Variants in AHDC1 observed in about 807,000 individuals in gnomAD.
AHDC1 encodes transcription factor Gibbin.
Under a neutral mutation model 87.9 loss-of-function variants are expected in AHDC1, and 7 were observed. That is an observed-to-expected ratio of 0.08 (90% CI 0.05 to 0.15). The LOEUF (loss-of-function observed/expected upper bound fraction) is 0.15, where lower values mean the gene tolerates loss of function less well. Ranked by LOEUF, AHDC1 falls within the 10% of genes least tolerant of loss-of-function variation. The probability of loss-of-function intolerance (pLI) is 1.00; values close to 1 mark genes in which losing one functional copy is unlikely to be tolerated. For synonymous variants in AHDC1, 1,051 were observed against 1,006.8 expected (o/e 1.04, Z -0.83); for missense variants, 1,841 against 2,253.2 (o/e 0.82, Z 3.70).
chr1:27,581,718 A>G (rs1189838881), intron 3 of AHDC1, among the ~76,000 whole-genome samples: 1 of 152,088 alleles, frequency 6.6e-6, no homozygotes, highest in Non-Finnish European at 1.5e-5. Context: ...TCCCATTCTC[A>G]TGACTCTGCG....
intron 5 of AHDC1, among the ~76,000 whole-genome samples, chr1:27,557,198 C>A (rs1292329367): frequency 6.6e-6 from 1 of 151,310 alleles, no homozygotes; most frequent in Non-Finnish European, 1.5e-5. Flanking sequence ...CCGAGGGTCA[C>A]CCTGCCGGCG....
intron 3 of AHDC1, among the ~76,000 whole-genome samples, chr1:27,577,802 G>A (rs1448161463): frequency 6.6e-6 from 1 of 152,196 alleles, no homozygotes; most frequent in Non-Finnish European, 1.5e-5. Flanking sequence ...AGACAAGACT[G>A]AGGTGACACT....
rs2089180545 is a variant in AHDC1 at position 27,590,049 on chromosome 1, C to T, written c.-629+13348G>A. ...TGTCCTGGGCCCCCTGCCCCACCCA[C>T]TGCTGAGGAGAGCCCTGCCCTGAGA... On this transcript the variant is annotated intron_variant, in intron 3 of 8. Coordinates refer to ENST00000673934, the MANE Select transcript of AHDC1 (RefSeq NM_001371928.1). The surrounding 1 kb of genome is among the most constrained non-coding windows in gnomAD (Gnocchi z 5.4). Among the ~76,000 whole-genome samples the T allele has an allele frequency of 6.6e-6, 1 of 152,188 alleles. No individual in the cohort carries two copies. Among genetic ancestry groups the T allele is most frequent in the South Asian group, 2.1e-4 (1 of 4,834 alleles).
intron 3 of AHDC1, among the ~76,000 whole-genome samples, chr1:27,564,805 G>C (rs1315397199): frequency 6.6e-6 from 1 of 152,176 alleles, no homozygotes; most frequent in African/African-American, 2.4e-5. Context: ...GTGGCTCTAA[G>C]GGGAGGGAGG....
At position 27,549,508 on chromosome 1, in the gene AHDC1, T is replaced by C. The variant is rs960758930; in HGVS notation, c.2608A>G (p.Thr870Ala). ...GCACTGGTGGGTGGCCCTGCATAGG[T>C]GCCCGATGCCTTCCGGGACTCTGGG... ...SRPESRKASG[T>A]YAGPPTSALP... Residue 870 changes from threonine to alanine, a missense_variant, in exon 8 of 9, where the codon ACC (threonine) becomes GCC (alanine). Physicochemically the swap from Thr to Ala is moderately conservative, Grantham distance 58. Around this residue, in one of 13 missense-constraint regions of AHDC1, gnomAD observed 378 missense variants for 399.0 expected, o/e 0.95. Transcript: ENST00000673934. The C allele has an allele frequency of 6.2e-7, 1 of 1,613,186 alleles. No individual in the cohort carries two copies. Among genetic ancestry groups the C allele is most frequent in the Admixed American group, 1.7e-5 (1 of 60,024 alleles).
rs750672480 is a variant in AHDC1 at position 27,550,725 on chromosome 1, C to T, written c.1391G>A (p.Arg464His). The change falls in exon 8 of 9, where the codon CGC becomes CAC. Residue 464 changes from arginine to histidine, a missense_variant. Physicochemically the swap from Arg to His is conservative, Grantham distance 29 (BLOSUM62 0). This residue lies in a region of AHDC1 where 370 missense variants were observed against 391.5 expected (regional missense o/e 0.95). Coordinates refer to ENST00000673934, the MANE Select transcript of AHDC1 (RefSeq NM_001371928.1). ...CCGCACGCCCCGGCACTTGCCTTTG[C>T]GGGTAGAGACCACTGGGGTCTGGGA... The part of the protein sequence containing the change: ...ESSQTPVVST[R>H]KGKCRGVRRM... 2.1e-5 allele frequency: 33 copies of T among 1,596,856 alleles called. No individual in the cohort carries two copies. Among genetic ancestry groups the T allele is most frequent in the African/African-American group, 9.4e-5 (7 of 74,430 alleles).
Position 27,588,762 on chromosome 1 carries a change from T to C in AHDC1, c.-629+14635A>G, listed in dbSNP as rs1399848475. ...GAGAAGGCAGGGAAGTATGCAAACATGTACGTGTGTGTTTGTAGGGGGGCT... is the reference window on the plus strand; with the variant it reads ...GAGAAGGCAGGGAAGTATGCAAACACGTACGTGTGTGTTTGTAGGGGGGCT... On this transcript the variant is annotated intron_variant, in intron 3 of 8. Coordinates refer to ENST00000673934, the MANE Select transcript of AHDC1 (RefSeq NM_001371928.1). 3.3e-5 allele frequency among the ~76,000 whole-genome samples: 5 copies of C among 152,050 alleles called. No homozygotes were observed. In the South Asian group the frequency reaches 8.3e-4, roughly 25 times the overall value.
chr1:27,578,845 T>C, intron 3 of AHDC1, among the ~76,000 whole-genome samples: 1 of 151,746 alleles, frequency 6.6e-6, no homozygotes, highest in East Asian at 2.0e-4. Flanking sequence ...TATAGGTGCC[T>C]GCCACCATGC....
intron 5 of AHDC1, chr1:27,553,652 C>T (rs1316749734): frequency 2.0e-5 from 3 of 152,202 alleles, no homozygotes; most frequent in African/African-American, 7.2e-5. Flanking sequence ...CCCAGTCTTA[C>T]AGAAACTACC....
In AHDC1 at chr1:27,547,852, A is replaced by G. The variant is rs1342795614; in HGVS notation, c.4264T>C (p.Cys1422Arg). Residue 1422 changes from cysteine (C) to arginine (R), a missense_variant, in exon 8 of 9, where the codon TGC becomes CGC. By Grantham distance (180) the Cys-to-Arg change is radical (BLOSUM62 -3). Coordinates refer to ENST00000673934, the MANE Select transcript of AHDC1 (RefSeq NM_001371928.1). This position sits in a 1 kb window ranked among gnomAD's most constrained non-coding sequence, Gnocchi z 4.9. ...LRPPPTKLAA[C>R]EPLKHGLQGA... ...TGGAGTCCATGCTTGAGGGGCTCGCAGGCAGCCAGCTTTGTGGGCGGTGGC... is the reference window on the plus strand; with the variant it reads ...TGGAGTCCATGCTTGAGGGGCTCGCGGGCAGCCAGCTTTGTGGGCGGTGGC... 1.1e-5 allele frequency: 17 copies of G among 1,548,134 alleles called. No individual in the cohort carries two copies. The highest frequency in any genetic ancestry group is 1.4e-5 in the Non-Finnish European group (16 of 1,144,648).
chr1:27,583,486 G>A (rs1031977457), intron 3 of AHDC1, among the ~76,000 whole-genome samples: 4 of 152,106 alleles, frequency 2.6e-5, no homozygotes, highest in Admixed American at 6.5e-5. Flanking sequence ...AAACCCACTC[G>A]GGGAGTGTAT....
intron 3 of AHDC1, among the ~76,000 whole-genome samples, chr1:27,564,716 G>A (rs1328697829): frequency 6.6e-6 from 1 of 152,146 alleles, no homozygotes; most frequent in Non-Finnish European, 1.5e-5. Context: ...GCCCGATGAA[G>A]ACCAATGAAT....
intron 8 of AHDC1, among the ~76,000 whole-genome samples, chr1:27,535,749 C>T: frequency 6.6e-6 from 1 of 152,138 alleles, no homozygotes; most frequent in Non-Finnish European, 1.5e-5. Context: ...CAGTTCCTCC[C>T]ATCGCCAGAC....
intron 3 of AHDC1, among the ~76,000 whole-genome samples, chr1:27,566,516 C>G (rs914387525): frequency 2.0e-5 from 3 of 151,722 alleles, no homozygotes; most frequent in African/African-American, 7.3e-5. Flanking sequence ...AGAGCACCAG[C>G]GACCCGGGAG....
Position 27,549,010 on chromosome 1 carries a change from A to C in AHDC1, c.3106T>G (p.Ser1036Ala), listed in dbSNP as rs747816223. Reference protein sequence around the residue: ...GGPCLPPSKASFFSSSEGAPF... With the variant: ...GGPCLPPSKAAFFSSSEGAPF... ...GCCCCCTCAGAGCTGCTGAAGAAGG[A>C]GGCCTTGCTTGGTGGCAGGCAGGGG... Residue 1036 changes from serine (S) to alanine (A), a missense_variant, in exon 8 of 9, where the codon TCC becomes GCC. Physicochemically the swap from Ser to Ala is moderately conservative, Grantham distance 99 (BLOSUM62 1). Transcript: ENST00000673934. 3 of 1,566,892 alleles carry C rather than the reference A, an allele frequency of 1.9e-6. No homozygotes were observed. Among genetic ancestry groups the C allele is most frequent in the East Asian group, 2.3e-5 (1 of 44,274 alleles).
rs2088578576 is a variant in AHDC1, at chr1:27,572,833, T to TG, written c.-628-13951dup. Among the ~76,000 whole-genome samples the TG allele has an allele frequency of 3.3e-5, 5 of 152,330 alleles. 1 individual carries two copies. The South Asian group carries it at 1.0e-3, about 32-fold the overall frequency. The stretch of plus-strand genomic sequence containing the variant: ...TGCACACACCTCAACACACCGCCCC[T>TG]GCGATCGCTCTTCTGGAGACACCAA... On this transcript the variant is annotated intron_variant, in intron 3 of 8. Coordinates refer to ENST00000673934, the MANE Select transcript of AHDC1 (RefSeq NM_001371928.1).
intron 3 of AHDC1, among the ~76,000 whole-genome samples, chr1:27,597,647 G>A (rs946645942): frequency 1.3e-5 from 2 of 152,058 alleles, no homozygotes; most frequent in Non-Finnish European, 2.9e-5. Flanking sequence ...AAACTGAGCC[G>A]GGGGTGGAAG....
chr1:27,538,415 A>AAAAAAAAAAAC, intron 8 of AHDC1, among the ~76,000 whole-genome samples: 1 of 149,512 alleles, frequency 6.7e-6, no homozygotes, highest in African/African-American at 2.4e-5. Context: ...AAAAAAAAAA[A>AAAAAAAAAAAC]AAACCAGAAA....
chr1:27,600,139 TTCTC>T (rs1269305955), intron 3 of AHDC1, among the ~76,000 whole-genome samples: 3 of 151,846 alleles, frequency 2.0e-5, no homozygotes, highest in Non-Finnish European at 4.4e-5. Context: ...GTCTCCATCT[TTCTC>T]TCTCTTCACC....
Sources: allele counts gnomAD v4.1 joint callset (sites outside exome capture counted in the v4.1 genomes callset), GRCh38; gene constraint gnomAD v4.1.1; regional missense constraint gnomAD v4.1.1; non-coding constraint Gnocchi (gnomAD v3.1); transcripts MANE v1.5; gene names NCBI Gene and HGNC (gene_info 2026-07-23, HGNC 2026-07-21).